Variants in EML1 observed in about 807,000 individuals in gnomAD.
EML1 encodes EMAP like 1.
In EML1, 27 loss-of-function variants were observed where a neutral mutation model predicts 110.4. That is an observed-to-expected ratio of 0.24 (90% CI 0.18 to 0.34). EML1 has a LOEUF of 0.34. Ranked by LOEUF, EML1 falls within the 10% of genes least tolerant of loss-of-function variation. The probability of loss-of-function intolerance (pLI) is 1.00; values close to 1 mark genes in which losing one functional copy is unlikely to be tolerated. For synonymous variants in EML1, 344 were observed against 385.8 expected (o/e 0.89, Z 1.27); for missense variants, 741 against 1,030.9 (o/e 0.72, Z 3.85).
rs376845405 is a variant in EML1, at chr14:99,869,117, T to C, written c.383+3471T>C. Reference sequence around the variant, plus strand: ...TTGACTTTTTATTGTAGCAAATACATGCATGCCTCATTTTATTGTGTCTGG... The same window carrying C: ...TTGACTTTTTATTGTAGCAAATACACGCATGCCTCATTTTATTGTGTCTGG... On this transcript the variant is annotated intron_variant, in intron 3 of 21. Transcript: ENST00000262233. Among the ~76,000 whole-genome samples, 17 of 152,358 alleles carry C rather than the reference T, an allele frequency of 1.1e-4. No individual in the cohort carries two copies. The East Asian group carries it at 2.7e-3, about 24-fold the overall frequency.
intron 20 of EML1, among the ~76,000 whole-genome samples, 177 bp downstream of exon 20, chr14:99,938,089 C>A (rs532787148): frequency 6.6e-6 from 1 of 152,064 alleles, no homozygotes. Flanking sequence ...CTTGCCTGGC[C>A]GTGGCCCACT....
At chr14:99,872,797 A>C (rs1471014002) in intron 3 of EML1, among the ~76,000 whole-genome samples, 2 of 152,250 alleles carry the variant, frequency 1.3e-5, no homozygotes, top group African/African-American at 4.8e-5. Context: ...AAGTCATTTC[A>C]AATATGTTTA....
intron 1 of EML1, among the ~76,000 whole-genome samples, chr14:99,810,932 A>T (rs2058065016): frequency 6.6e-6 from 1 of 152,116 alleles, no homozygotes; most frequent in South Asian, 2.1e-4. Flanking sequence ...ATTGCATTGT[A>T]CCCCCTAAAT....
chr14:99,740,671 C>T (rs1314731754), intron 1 of EML1, among the ~76,000 whole-genome samples: 1 of 152,198 alleles, frequency 6.6e-6, no homozygotes, highest in Non-Finnish European at 1.5e-5. Flanking sequence ...AAAGGCGCTT[C>T]CTTTACAGTT....
intron 4 of EML1, among the ~76,000 whole-genome samples, chr14:99,889,579 A>G (rs915617682): frequency 6.6e-6 from 1 of 152,222 alleles, no homozygotes; most frequent in Non-Finnish European, 1.5e-5. Context: ...AGTATGGAGC[A>G]GCGAACATGA....
intron 1 of EML1, among the ~76,000 whole-genome samples, chr14:99,743,086 G>A (rs968791995): frequency 2.0e-5 from 3 of 152,152 alleles, no homozygotes; most frequent in African/African-American, 7.2e-5. Flanking sequence ...GCGCCCCTAC[G>A]TTGAGGTTCA....
At chr14:99,914,377 A>G (rs961825133) in intron 14 of EML1, 73 bp downstream of exon 14, 10 of 1,571,332 alleles carry the variant, frequency 6.4e-6, no homozygotes, top group Middle Eastern at 1.7e-4. Flanking sequence ...AAGCATTACA[A>G]TCAGGTGCTT....
chr14:99,930,641 A>G (rs1276825059), intron 17 of EML1, among the ~76,000 whole-genome samples: 1 of 152,252 alleles, frequency 6.6e-6, no homozygotes, highest in African/African-American at 2.4e-5. Flanking sequence ...TATTAAATAC[A>G]GAAGCTTCAT....
At chr14:99,874,292 A>G (rs1258472105) in intron 3 of EML1, among the ~76,000 whole-genome samples, 1 of 152,220 alleles carries the variant, frequency 6.6e-6, no homozygotes, top group East Asian at 1.9e-4. Flanking sequence ...ACAAGGTTGC[A>G]GGTTTGGGTG....
chr14:99,778,486 T>C (rs1388111695), intron 1 of EML1, among the ~76,000 whole-genome samples: 1 of 152,258 alleles, frequency 6.6e-6, no homozygotes, highest in African/African-American at 2.4e-5. Context: ...GTTATCCCAC[T>C]GTAGTCTGGA....
chr14:99,850,146 C>T (rs1469390149), intron 1 of EML1: 2 of 476,852 alleles, frequency 4.2e-6, no homozygotes, highest in Non-Finnish European at 3.8e-6. Flanking sequence ...GTCATGTTGC[C>T]TAGGCTGATA....
At chr14:99,743,017 G>C (rs963447767) in intron 1 of EML1, among the ~76,000 whole-genome samples, 2 of 152,136 alleles carry the variant, frequency 1.3e-5, no homozygotes, top group African/African-American at 2.4e-5. Flanking sequence ...GCTGGGCACC[G>C]GGTGGGGACA....
intron 1 of EML1, among the ~76,000 whole-genome samples, chr14:99,739,117 AGAGT>A (rs1178626180): frequency 4.7e-4 from 30 of 64,192 alleles, no homozygotes; most frequent in African/African-American, 1.3e-3. Context: ...AGAGAGAGAG[AGAGT>A]GTGTGTGTGT....
chr14:99,824,685 G>A (rs2058322605), intron 1 of EML1, among the ~76,000 whole-genome samples: 1 of 152,088 alleles, frequency 6.6e-6, no homozygotes, highest in Non-Finnish European at 1.5e-5. Flanking sequence ...TGGGCTTCTG[G>A]TGAACCTATC....
chr14:99,786,331 T>C (rs2057599658), intron 1 of EML1, among the ~76,000 whole-genome samples: 2 of 152,192 alleles, frequency 1.3e-5, no homozygotes, highest in Non-Finnish European at 2.9e-5. Flanking sequence ...TGTGTTCTCT[T>C]CCAGGCATTT....
chr14:99,794,244 A>C (rs940196385), intron 1 of EML1, among the ~76,000 whole-genome samples: 1 of 152,216 alleles, frequency 6.6e-6, no homozygotes, highest in Non-Finnish European at 1.5e-5. Flanking sequence ...GAAAGATTTC[A>C]GTCTCATTGG....
At chr14:99,930,606 G>A (rs968395394) in intron 17 of EML1, among the ~76,000 whole-genome samples, 1 of 152,146 alleles carries the variant, frequency 6.6e-6, no homozygotes, top group Non-Finnish European at 1.5e-5. Context: ...GCTAAGTGTT[G>A]GCAAAATGCC....
chr14:99,909,124 C>T (rs967466712), intron 10 of EML1, among the ~76,000 whole-genome samples: 6 of 152,152 alleles, frequency 3.9e-5, no homozygotes, highest in African/African-American at 1.4e-4. Flanking sequence ...TCCTCAAGGG[C>T]TCATTGTCCA....
At chr14:99,924,026 A>C (rs995015129) in intron 17 of EML1, among the ~76,000 whole-genome samples, 3 of 152,322 alleles carry the variant, frequency 2.0e-5, no homozygotes, top group Non-Finnish European at 2.9e-5. Flanking sequence ...ACAGATCAAT[A>C]TGGGGGAAAT....
Sources: gnomAD v4.1 joint callset for allele counts (sites outside exome capture counted in the v4.1 genomes callset) on GRCh38, gnomAD v4.1.1 for gene constraint, MANE v1.5 for transcripts, NCBI Gene and HGNC (gene_info 2026-07-23, HGNC 2026-07-21) for gene names.